The following ZBBX variants were observed in gnomAD, a reference collection of about 807,000 sequenced individuals.
ZBBX encodes the protein zinc finger B-box domain-containing protein 1.
Under a neutral mutation model 108.5 loss-of-function variants are expected in ZBBX, and 101 were observed. That is an observed-to-expected ratio of 0.93 (90% CI 0.79 to 1.10). The LOEUF (loss-of-function observed/expected upper bound fraction) is 1.10. Among genes scored for constraint, ZBBX ranks in the 50% least tolerant of loss-of-function variants. ZBBX has a pLI of 0.00. For synonymous variants in ZBBX, 356 were observed against 323.4 expected, an observed-to-expected ratio of 1.10 and a Z score of -1.08; for missense variants, 1,009 against 941.4, an observed-to-expected ratio of 1.07 and a Z score of -0.94.
At chr3:167,299,403 C>T (rs1272732380) in intron 17 of ZBBX, among the ~76,000 whole-genome samples, 1 of 151,918 alleles carries the variant, frequency 6.6e-6, no homozygotes, top group African/African-American at 2.4e-5. Flanking sequence ...ATCCCCTGGC[C>T]CTCCCAGACA....
intron 18 of ZBBX, among the ~76,000 whole-genome samples, chr3:167,296,358 G>T (rs1731692773): frequency 6.6e-6 from 1 of 152,010 alleles, no homozygotes; most frequent in African/African-American, 2.4e-5. Flanking sequence ...GCCTGCTTTT[G>T]CTACTTCTAT....
At chr3:167,400,216 T>C (rs77566578) in intron 1 of ZBBX, among the ~76,000 whole-genome samples, 14,758 of 152,188 alleles carry the variant, frequency 0.097, 748 homozygotes, top group Non-Finnish European at 0.13. Context: ...TTTGGGTATA[T>C]ACCCAGTAGT....
intron 18 of ZBBX, among the ~76,000 whole-genome samples, chr3:167,295,462 T>C (rs986780491): frequency 6.6e-6 from 1 of 151,646 alleles, no homozygotes; most frequent in Non-Finnish European, 1.5e-5. Flanking sequence ...ACACCACATG[T>C]TCCCACTCAT....
At chr3:167,239,437 C>T (rs1560008888), downstream of ZBBX, among the ~76,000 whole-genome samples, 1 of 151,712 alleles carries the variant, frequency 6.6e-6, no homozygotes, top group Non-Finnish European at 1.5e-5. Context: ...AACTCATATC[C>T]TTTTTTTTCT....
At chr3:167,274,600 T>C (rs1159299487) in intron 20 of ZBBX, among the ~76,000 whole-genome samples, 3 of 152,212 alleles carry the variant, frequency 2.0e-5, no homozygotes. Flanking sequence ...AACTTAACTT[T>C]CTTGTTTCTC....
chr3:167,390,502 G>GT lies in ZBBX; in HGVS notation c.-445-10098dup, dbSNP rs879773009. Among the ~76,000 whole-genome samples the GT allele has an allele frequency of 5.2e-3, 752 of 145,194 alleles. 3 individuals are homozygous for GT. Among genetic ancestry groups the GT allele is most frequent in the African/African-American group, 0.013 (538 of 39,880 alleles). ...GTTCCATATGAAATTTAAAGTAGTT[G>GT]TTTTTTTTTTTCTAATTCTTTGAAG... On this transcript the variant is annotated intron_variant, in intron 1 of 21. Transcript: ENST00000455345.
chr3:167,298,207 G>A, intron 18 of ZBBX, 98 bp downstream of exon 18: 1 of 970,812 alleles, frequency 1.0e-6, no homozygotes, highest in Non-Finnish European at 1.4e-6. Flanking sequence ...ATAATTTTAG[G>A]CTGGCAAGAA....
chr3:167,357,287 G>A (rs1027675302), intron 8 of ZBBX, among the ~76,000 whole-genome samples: 2 of 152,060 alleles, frequency 1.3e-5, no homozygotes, highest in Non-Finnish European at 2.9e-5. Context: ...GTGTCCCAGA[G>A]GAAGCCAGCT....
chr3:167,296,660 C>T (rs1731739268), intron 18 of ZBBX, among the ~76,000 whole-genome samples: 1 of 151,844 alleles, frequency 6.6e-6, no homozygotes, highest in Non-Finnish European at 1.5e-5. Context: ...TAGAAATCAA[C>T]ATAACCAAGG....
intron 19 of ZBBX, among the ~76,000 whole-genome samples, chr3:167,284,186 C>CTA (rs772993912): frequency 0.062 from 7,440 of 120,880 alleles, 277 homozygotes; most frequent in African/African-American, 0.12. Flanking sequence ...AAACATATAT[C>CTA]TATATCTATA....
chr3:167,196,576 T>C, the ZBBX span, among the ~76,000 whole-genome samples: 15 of 152,316 alleles, frequency 9.8e-5, no homozygotes, highest in African/African-American at 3.6e-4. Flanking sequence ...AGTGGACCTT[T>C]TTCTGTAGCC....
chr3:167,348,692 C>T (rs1277092335), intron 9 of ZBBX, among the ~76,000 whole-genome samples: 1 of 151,800 alleles, frequency 6.6e-6, no homozygotes, highest in Non-Finnish European at 1.5e-5. Context: ...ATGTTCTGTG[C>T]AAAAGAACTA....
rs1274833924 is a variant in ZBBX at position 167,289,022 on chromosome 3, AAG to A, written c.1880-41_1880-40del. On this transcript the variant is annotated intron_variant, in intron 18 of 21. Transcript: ENST00000675490. ...ACAGTAAGATAACATAAAGTTTGAA[AAG>A]AAGAAAATCCATTTTATTAGTTTTA... 15 of 1,433,414 alleles carry A rather than the reference AAG, an allele frequency of 1.0e-5. No individual in the cohort carries two copies. In the African/African-American group the frequency reaches 1.7e-4, roughly 16 times the overall value. 88.8% of individuals were successfully genotyped at this position (1,433,414 alleles called of 1,614,324 possible).
chr3:167,369,273 G>T (rs919522448), intron 4 of ZBBX, among the ~76,000 whole-genome samples: 1 of 152,092 alleles, frequency 6.6e-6, no homozygotes, highest in African/African-American at 2.4e-5. Flanking sequence ...TTTTACTATT[G>T]TAAGTCCAAA....
At chr3:167,273,976 C>T (rs529840757) in intron 20 of ZBBX, among the ~76,000 whole-genome samples, 1 of 152,196 alleles carries the variant, frequency 6.6e-6, no homozygotes, top group East Asian at 1.9e-4. Flanking sequence ...TTATTAATTA[C>T]ACTAGAAATG....
At chr3:167,279,828 T>C (rs1242625544) in intron 20 of ZBBX, among the ~76,000 whole-genome samples, 2 of 152,138 alleles carry the variant, frequency 1.3e-5, no homozygotes, top group Admixed American at 1.3e-4. Flanking sequence ...GGAGGCATCA[T>C]ACTACCTGAC....
intron 12 of ZBBX, 126 bp from the exon 13 acceptor site, chr3:167,317,723 C>G: frequency 1.9e-6 from 1 of 525,456 alleles, no homozygotes; most frequent in South Asian, 3.3e-5. Flanking sequence ...GTAACTGTAC[C>G]TTTAATTCAA....
chr3:167,398,647 G>T (rs192058769), intron 1 of ZBBX, among the ~76,000 whole-genome samples: 1 of 152,004 alleles, frequency 6.6e-6, no homozygotes, highest in South Asian at 2.1e-4. Context: ...ATGATAGCAC[G>T]TGAAAAAAAT....
chr3:167,247,385 G>A (rs1721761664), intron 20 of ZBBX, among the ~76,000 whole-genome samples: 1 of 152,128 alleles, frequency 6.6e-6, no homozygotes, highest in Non-Finnish European at 1.5e-5. Context: ...TAACTCTAGG[G>A]GAAAACCATC....
Sources: gnomAD v4.1 joint callset for allele counts (sites outside exome capture counted in the v4.1 genomes callset) on GRCh38, gnomAD v4.1.1 for gene constraint, MANE v1.5 for transcripts, NCBI Gene and HGNC (gene_info 2026-07-23, HGNC 2026-07-21) for gene names.